The following SMS variants were observed in gnomAD, a reference collection of about 807,000 sequenced individuals.
The protein encoded by SMS is spermine synthase, also known as spermidine aminopropyltransferase.
Under a neutral mutation model 33.0 loss-of-function variants are expected in SMS, and 3 were observed. The ratio of observed to expected loss-of-function variants is 0.09; its 90% CI spans 0.04 to 0.23. The LOEUF is 0.23. Among genes scored for constraint, SMS ranks in the 10% least tolerant of loss-of-function variants. The pLI, the probability that SMS is intolerant of heterozygous loss-of-function variation, is 1.00. For missense variants in SMS, 117 were observed against 288.6 expected (o/e 0.41, Z 4.31); for synonymous variants, 103 against 112.2 (o/e 0.92, Z 0.52).
chrX:21,957,799 A>T (rs1240716188), intron 1 of SMS, among the ~76,000 whole-genome samples: 1 of 111,764 alleles, frequency 8.9e-6, no homozygotes, highest in African/African-American at 3.3e-5. Context: ...TTTTAATTGT[A>T]GTCATTTTTG....
At position 21,960,703 on chromosome X, in the gene SMS, G is replaced by A. The variant is rs756251396; in HGVS notation, c.50-6493G>A. Among the ~76,000 whole-genome samples the A allele has an allele frequency of 4.5e-5, 5 of 111,572 alleles. No homozygotes were observed. In the East Asian group the frequency reaches 1.1e-3, roughly 25 times the overall value. On this transcript the variant is annotated intron_variant, in intron 1 of 10. Coordinates refer to ENST00000404933, the MANE Select transcript of SMS (RefSeq NM_004595.5). ...TGTTCCAACCGCCTCATTTTGCAGA[G>A]GACAACGTCAAGGCTCTGGCCTGTG...
chrX:21,970,441 G>A (rs1440051779), intron 2 of SMS, among the ~76,000 whole-genome samples: 1 of 112,150 alleles, frequency 8.9e-6, no homozygotes, highest in African/African-American at 3.2e-5. Context: ...CCTCTCTGCT[G>A]CTGGTGAAGG....
chrX:21,971,834 CTCTCT>C, intron 2 of SMS, 58 bp from the exon 3 acceptor site: 5 of 758,248 alleles, frequency 6.6e-6, no homozygotes, highest in Non-Finnish European at 1.0e-5. Context: ...CTCTCTCTCT[CTCTCT>C]TTTTTTTTTA....
At chrX:21,962,400 C>G (rs1013457770) in intron 1 of SMS, among the ~76,000 whole-genome samples, 4 of 112,119 alleles carry the variant, frequency 3.6e-5, no homozygotes, top group Non-Finnish European at 7.5e-5. Context: ...GTAAAGAGTT[C>G]TAACTTTTTT....
At chrX:21,964,647 G>T (rs954061306) in intron 1 of SMS, among the ~76,000 whole-genome samples, 7 of 111,306 alleles carry the variant, frequency 6.3e-5, no homozygotes, top group African/African-American at 2.3e-4. Context: ...ATACCTGTTT[G>T]GGGATTTAGG....
chrX:21,972,001 C>G lies in SMS; in HGVS notation c.264+11C>G, dbSNP rs780252098. On this transcript the variant is annotated intron_variant, in intron 3 of 10. Coordinates refer to ENST00000404933, the MANE Select transcript of SMS (RefSeq NM_004595.5). ...GAAGAGATCGACAGTGTCGGTTTTTCACTTTCATTTACTCAGTGTTTAAGG... is the reference window on the plus strand; with the variant it reads ...GAAGAGATCGACAGTGTCGGTTTTTGACTTTCATTTACTCAGTGTTTAAGG... The G allele has an allele frequency of 9.1e-7, 1 of 1,101,921 alleles. No individual in the cohort carries two copies. Among genetic ancestry groups the G allele is most frequent in the African/African-American group, 1.8e-5 (1 of 55,836 alleles). 90.8% of individuals were successfully genotyped at this position (1,101,921 alleles called of 1,213,427 possible).
chrX:21,986,477 A>G (rs1008432283), intron 9 of SMS, among the ~76,000 whole-genome samples: 6 of 111,590 alleles, frequency 5.4e-5, no homozygotes, highest in Admixed American at 3.8e-4. Context: ...CTAATGCTGA[A>G]AACAACTTAG....
intron 1 of SMS, among the ~76,000 whole-genome samples, chrX:21,948,421 A>G (rs1272085118): frequency 2.0e-5 from 2 of 97,988 alleles, no homozygotes; most frequent in Non-Finnish European, 4.0e-5. Flanking sequence ...TTTAATAACC[A>G]GTAGTCAGTC....
chrX:21,989,531 G>T (rs767662520), intron 9 of SMS, among the ~76,000 whole-genome samples: 1 of 111,961 alleles, frequency 8.9e-6, no homozygotes, highest in African/African-American at 3.3e-5. Flanking sequence ...ATTAGAATTT[G>T]CATAGAACAA....
At position 21,958,536 on chromosome X, in the gene SMS, C is replaced by T. The variant is rs368195163; in HGVS notation, c.50-8660C>T. Among the ~76,000 whole-genome samples, 4 of 112,378 alleles carry T rather than the reference C, an allele frequency of 3.6e-5. No individual in the cohort carries two copies. In the East Asian group the frequency reaches 1.1e-3, roughly 31 times the overall value. On this transcript the variant is annotated intron_variant, in intron 1 of 10. Coordinates refer to ENST00000404933, the MANE Select transcript of SMS (RefSeq NM_004595.5). Reference sequence around the variant, plus strand: ...TTCAGGATATTTGCGGTTGCGTGACCATCATGACAATCAACTTTAGAACAT... The same window carrying T: ...TTCAGGATATTTGCGGTTGCGTGACTATCATGACAATCAACTTTAGAACAT...
At chrX:21,940,968 C>G (rs1921713700) in intron 1 of SMS, 95 bp downstream of exon 1, 2 of 382,009 alleles carry the variant, frequency 5.2e-6, no homozygotes, top group Non-Finnish European at 6.9e-6. Context: ...CGCCGCGGGC[C>G]GAACAATGCG....
chrX:21,967,082 T>G lies in SMS; in HGVS notation c.50-114T>G, dbSNP rs946246647. 2.9e-5 allele frequency: 7 copies of G among 237,910 alleles called. No homozygotes were observed. The East Asian group carries it at 7.3e-4, about 25-fold the overall frequency. The allele number at this position is 237,910 out of a possible 1,213,427, so 19.6% of individuals were successfully genotyped here. On this transcript the variant is annotated intron_variant, in intron 1 of 10. Transcript: ENST00000404933. Reference sequence around the variant, plus strand: ...TTTATTTATTTATTTATTTATTTATTTATTTATTTACTTATTTATTTATTT... The same window carrying G: ...TTTATTTATTTATTTATTTATTTATGTATTTATTTACTTATTTATTTATTT...
intron 9 of SMS, among the ~76,000 whole-genome samples, chrX:21,991,620 A>C (rs765720979): frequency 8.0e-5 from 9 of 112,461 alleles, no homozygotes; most frequent in Non-Finnish European, 1.7e-4. Context: ...ATTTGGGGAA[A>C]ATTGTGCTAA....
chrX:21,967,415 C>A, intron 2 of SMS, 99 bp downstream of exon 2: 1 of 916,390 alleles, frequency 1.1e-6, no homozygotes. Flanking sequence ...TTTTTTTTCT[C>A]CTTTGACATC....
intron 7 of SMS, among the ~76,000 whole-genome samples, chrX:21,979,362 A>C (rs1457207905): frequency 9.6e-6 from 1 of 104,248 alleles, no homozygotes; most frequent in African/African-American, 3.6e-5. Context: ...CTAGCCCCCT[A>C]CCCCCGATCG....
chrX:21,987,285 C>T (rs1313582276), intron 9 of SMS, among the ~76,000 whole-genome samples: 1 of 112,463 alleles, frequency 8.9e-6, no homozygotes, highest in Non-Finnish European at 1.9e-5. Flanking sequence ...GCGCGAGCCA[C>T]TGCGCCCAGC....
At chrX:21,994,192 C>T (rs749732543) in intron 10 of SMS, 120 bp from the exon 11 acceptor site, 11 of 676,157 alleles carry the variant, frequency 1.6e-5, no homozygotes, top group Non-Finnish European at 2.6e-5. Flanking sequence ...CTCATTCCCA[C>T]AGTGCTCTAA....
At chrX:21,943,390 G>A (rs912286944) in intron 1 of SMS, among the ~76,000 whole-genome samples, 7 of 111,945 alleles carry the variant, frequency 6.3e-5, no homozygotes, top group African/African-American at 2.0e-4. Flanking sequence ...TGTATCGTGT[G>A]GGAGGGAGGA....
At chrX:21,960,390 C>T (rs1469962636) in intron 1 of SMS, among the ~76,000 whole-genome samples, 7 of 81,596 alleles carry the variant, frequency 8.6e-5, no homozygotes, top group East Asian at 3.5e-4. Context: ...GAATGTAAAT[C>T]TTCTGTTCCT....
Sources: gnomAD v4.1 joint callset for allele counts (sites outside exome capture counted in the v4.1 genomes callset) on GRCh38, gnomAD v4.1.1 for gene constraint, MANE v1.5 for transcripts, NCBI Gene and HGNC (gene_info 2026-07-23, HGNC 2026-07-21) for gene names.